The following EML6 variants were observed in gnomAD, a reference collection of about 807,000 sequenced individuals.
EML6 encodes echinoderm microtubule-associated protein-like 6.
Under a neutral mutation model 240.1 loss-of-function variants are expected in EML6, and 154 were observed. That is an observed-to-expected ratio of 0.64 (90% CI 0.56 to 0.73). EML6 has a LOEUF of 0.73. EML6 is among the 30% of genes least tolerant of loss of function. The pLI, the probability that EML6 is intolerant of heterozygous loss-of-function variation, is 0.00. For missense variants in EML6, 2,964 were observed against 2,474.6 expected (o/e 1.20, Z -4.20); for synonymous variants, 1,148 against 899.0 (o/e 1.28, Z -4.95).
Position 54,725,332 on chromosome 2 carries a change from G to C in EML6, c.197+74G>C. On this transcript the variant is annotated intron_variant, in intron 2 of 41. Coordinates refer to ENST00000356458, the MANE Select transcript of EML6 (RefSeq NM_001039753.4). This position sits in a 1 kb window ranked among gnomAD's most constrained non-coding sequence, Gnocchi z 4.3. Reference sequence around the variant, plus strand: ...GGAAGGTGGGAAGCGGTTGACCTGGGGTCGGATCCGGGAGCCCCGTGGAAT... The same window carrying C: ...GGAAGGTGGGAAGCGGTTGACCTGGCGTCGGATCCGGGAGCCCCGTGGAAT... 1.7e-6 allele frequency: 2 copies of C among 1,170,402 alleles called. No homozygotes were observed. The highest frequency in any genetic ancestry group is 3.7e-5 in the South Asian group (2 of 54,238). The allele number at this position is 1,170,402 out of a possible 1,614,324, so 72.5% of individuals were successfully genotyped here.
intron 10 of EML6, among the ~76,000 whole-genome samples, chr2:54,853,328 GT>G (rs1397380264): frequency 6.6e-6 from 1 of 152,084 alleles, no homozygotes; most frequent in Admixed American, 6.5e-5. Context: ...ATTTTCTTAA[GT>G]TTTTTGATAC....
chr2:54,812,004 G>C (rs1478132995), intron 2 of EML6, among the ~76,000 whole-genome samples: 1 of 152,110 alleles, frequency 6.6e-6, no homozygotes, highest in Non-Finnish European at 1.5e-5. Flanking sequence ...GTCCAACATG[G>C]ATTTAAAGTA....
chr2:54,849,238 C>A (rs753274459), intron 9 of EML6, among the ~76,000 whole-genome samples: 2 of 152,062 alleles, frequency 1.3e-5, no homozygotes, highest in Non-Finnish European at 1.5e-5. Flanking sequence ...ATTGGGCTAT[C>A]CATCACCTTA....
chr2:54,897,696 T>C (rs1165136412), intron 21 of EML6, among the ~76,000 whole-genome samples: 1 of 2,250 alleles, frequency 4.4e-4, no homozygotes, highest in African/African-American at 1.3e-3. Flanking sequence ...TTCTCTCCCT[T>C]TTTTTTTTTT....
intron 2 of EML6, among the ~76,000 whole-genome samples, chr2:54,781,973 A>C (rs1376865730): frequency 6.6e-6 from 1 of 152,106 alleles, no homozygotes; most frequent in African/African-American, 2.4e-5. Flanking sequence ...CTGGACTACA[A>C]ATATATCTTT....
At chr2:54,753,457 T>C (rs1558526497) in intron 2 of EML6, among the ~76,000 whole-genome samples, 2 of 152,138 alleles carry the variant, frequency 1.3e-5, no homozygotes, top group African/African-American at 2.4e-5. Flanking sequence ...AAGGTCCTTA[T>C]AAGTGAGAGT....
In EML6 at chr2:54,951,012, A is replaced by C. The variant is rs1675947061; in HGVS notation, c.4213+233A>C. On this transcript the variant is annotated intron_variant, in intron 30 of 41. Coordinates refer to ENST00000356458, the MANE Select transcript of EML6 (RefSeq NM_001039753.4). ...CACCTCATCATAGGCCCTAGAGAGAAGGCGGCCATGTTGACACCAGCCTCT... is the reference window on the plus strand; with the variant it reads ...CACCTCATCATAGGCCCTAGAGAGACGGCGGCCATGTTGACACCAGCCTCT... Among the ~76,000 whole-genome samples the C allele has an allele frequency of 2.6e-5, 4 of 152,134 alleles. No homozygotes were observed. In the South Asian group the frequency reaches 8.3e-4, roughly 32 times the overall value.
At chr2:54,735,045 C>T (rs1683333687) in intron 2 of EML6, among the ~76,000 whole-genome samples, 1 of 152,208 alleles carries the variant, frequency 6.6e-6, no homozygotes, top group Non-Finnish European at 1.5e-5. Flanking sequence ...TGTGTTTCCT[C>T]ATCCCTGTGT....
At chr2:54,809,985 G>A (rs1476466248) in intron 2 of EML6, among the ~76,000 whole-genome samples, 1 of 152,132 alleles carries the variant, frequency 6.6e-6, no homozygotes, top group South Asian at 2.1e-4. Context: ...GAATAAAGGT[G>A]GTTCTCTGTT....
At chr2:54,779,546 CAA>C (rs57641161) in intron 2 of EML6, among the ~76,000 whole-genome samples, 125 of 96,672 alleles carry the variant, frequency 1.3e-3, no homozygotes, top group South Asian at 8.1e-3. Flanking sequence ...GACTCTGTCT[CAA>C]AAAAAAAAAA....
intron 14 of EML6, chr2:54,868,925 AG>A: frequency 2.4e-6 from 1 of 423,500 alleles, no homozygotes; most frequent in East Asian, 3.6e-5. Flanking sequence ...ATCGTTTTTA[AG>A]AAAAAGCGCA....
At chr2:54,854,057 TAAGA>T (rs1449112001) in intron 11 of EML6, among the ~76,000 whole-genome samples, 3 of 152,350 alleles carry the variant, frequency 2.0e-5, no homozygotes, top group Admixed American at 6.5e-5. Context: ...TTTGCAAATT[TAAGA>T]AAGAATTTGC....
chr2:54,924,777 G>A (rs368966571), intron 26 of EML6, among the ~76,000 whole-genome samples: 4 of 152,064 alleles, frequency 2.6e-5, no homozygotes, highest in African/African-American at 9.7e-5. Flanking sequence ...TGGCCAGACT[G>A]GTCTCGAACT....
At chr2:54,911,771 A>G (rs905840575) in intron 25 of EML6, among the ~76,000 whole-genome samples, 6 of 152,194 alleles carry the variant, frequency 3.9e-5, no homozygotes, top group Admixed American at 2.6e-4. Flanking sequence ...ACAATCTGCA[A>G]TCTGACCATT....
chr2:54,934,662 A>G (rs1675042472), intron 28 of EML6, among the ~76,000 whole-genome samples: 1 of 151,912 alleles, frequency 6.6e-6, no homozygotes, highest in Non-Finnish European at 1.5e-5. Flanking sequence ...CAATTCTCCC[A>G]CTTCAGTCCC....
chr2:54,958,422 C>T (rs1230157677), intron 33 of EML6, among the ~76,000 whole-genome samples: 2 of 151,948 alleles, frequency 1.3e-5, no homozygotes, highest in Non-Finnish European at 2.9e-5. Flanking sequence ...GAACTCCTGA[C>T]CTCAGGTGAT....
chr2:54,946,923 G>C (rs1427759189), intron 28 of EML6, among the ~76,000 whole-genome samples: 5 of 150,812 alleles, frequency 3.3e-5, no homozygotes, highest in African/African-American at 1.2e-4. Flanking sequence ...TGAAAATCAA[G>C]GTGAAAAAAA....
At chr2:54,854,661 A>C (rs1195482721) in intron 11 of EML6, among the ~76,000 whole-genome samples, 1 of 152,262 alleles carries the variant, frequency 6.6e-6, no homozygotes, top group Non-Finnish European at 1.5e-5. Flanking sequence ...GCAATCAGAA[A>C]GTCATTTTCA....
chr2:54,942,804 T>G (rs1214117408), intron 28 of EML6, among the ~76,000 whole-genome samples: 5 of 152,176 alleles, frequency 3.3e-5, no homozygotes, highest in African/African-American at 1.2e-4. Context: ...GTCCTCTGGA[T>G]TTCTCATTCC....
Sources: allele counts gnomAD v4.1 joint callset (sites outside exome capture counted in the v4.1 genomes callset), GRCh38; gene constraint gnomAD v4.1.1; non-coding constraint Gnocchi (gnomAD v3.1); transcripts MANE v1.5; gene names NCBI Gene and HGNC (gene_info 2026-07-23, HGNC 2026-07-21).